The following DOCK5 variants were observed in gnomAD, a reference collection of about 807,000 sequenced individuals.
DOCK5 encodes dedicator of cytokinesis protein 5.
DOCK5 carries 142 observed loss-of-function variants against 251.8 expected under a neutral mutation model. The ratio of observed to expected loss-of-function variants is 0.56; its 90% CI spans 0.49 to 0.65. The LOEUF is 0.65. DOCK5 is among the 30% of genes least tolerant of loss of function. The pLI, the probability that DOCK5 is intolerant of heterozygous loss-of-function variation, is 0.00. For synonymous variants in DOCK5, 842 were observed against 835.5 expected (o/e 1.01, Z -0.13); for missense variants, 2,111 against 2,312.3 (o/e 0.91, Z 1.79).
At position 25,334,155 on chromosome 8, in the gene DOCK5, A is replaced by T. The variant is rs1445992992; in HGVS notation, c.2151A>T (p.Glu717Asp). 6.2e-7 allele frequency: 1 copy of T among 1,613,854 alleles called. No individual in the cohort carries two copies. Among genetic ancestry groups the T allele is most frequent in the Admixed American group, 1.7e-5 (1 of 59,996 alleles). The change falls in exon 21 of 52, where the codon GAA (glutamate) becomes GAT (aspartate). Residue 717 changes from glutamate (E) to aspartate (D), a missense_variant. Physicochemically the swap from Glu to Asp is conservative, Grantham distance 45. Transcript: ENST00000276440. Reference sequence around the variant, plus strand: ...TCCAGCATTTTAATCCTGTACTTGAAACCTACATTTACAAGCACTTCAGCG... The same window carrying T: ...TCCAGCATTTTAATCCTGTACTTGATACCTACATTTACAAGCACTTCAGCG... ...IKFQHFNPVL[E>D]TYIYKHFSAT...
chr8:25,380,071 G>A lies in DOCK5; in HGVS notation c.3937-234G>A, dbSNP rs78950248. Among the ~76,000 whole-genome samples, 946 of 152,254 alleles carry A rather than the reference G, an allele frequency of 6.2e-3. 4 individuals carry two copies. Among genetic ancestry groups the A allele is most frequent in the Non-Finnish European group, 9.2e-3 (623 of 68,038 alleles). On this transcript the variant is annotated intron_variant, in intron 38 of 51. Transcript: ENST00000276440. ...CACATGGTACTTATTCTTAATGTCCGTGCAAACAGAACTACAGAAGACGCC... is the reference window on the plus strand; with the variant it reads ...CACATGGTACTTATTCTTAATGTCCATGCAAACAGAACTACAGAAGACGCC...
chr8:25,201,377 AAG>A (rs1289368592), intron 1 of DOCK5, among the ~76,000 whole-genome samples: 15 of 152,272 alleles, frequency 9.9e-5, no homozygotes, highest in African/African-American at 3.4e-4. Flanking sequence ...TCAATAGTGA[AAG>A]AGAACATTTA....
Position 25,207,281 on chromosome 8 carries a change from A to G in DOCK5, c.43+22330A>G, listed in dbSNP as rs144518415. On this transcript the variant is annotated intron_variant, in intron 1 of 51. Coordinates refer to ENST00000276440, the MANE Select transcript of DOCK5 (RefSeq NM_024940.8). Reference sequence around the variant, plus strand: ...GCAAGGTGAGGCAGCAAGTGCTGATATAGAAGCTGTGGCAAGTTATCCAGA... The same window carrying G: ...GCAAGGTGAGGCAGCAAGTGCTGATGTAGAAGCTGTGGCAAGTTATCCAGA... 3.4e-3 allele frequency among the ~76,000 whole-genome samples: 512 copies of G among 152,370 alleles called. 2 individuals are homozygous for G. Among genetic ancestry groups the G allele is most frequent in the Admixed American group, 0.019 (285 of 15,304 alleles).
intron 1 of DOCK5, among the ~76,000 whole-genome samples, chr8:25,232,087 T>C (rs1802681143): frequency 1.3e-5 from 2 of 152,270 alleles, no homozygotes; most frequent in Admixed American, 1.3e-4. Flanking sequence ...ATGCTTTGTA[T>C]GATTTGCATC....
At chr8:25,311,815 A>G (rs1045860768) in intron 13 of DOCK5, among the ~76,000 whole-genome samples, 7 of 146,516 alleles carry the variant, frequency 4.8e-5, no homozygotes, top group South Asian at 2.2e-4. Flanking sequence ...CCAGCTACTC[A>G]GGAGGCTGAG....
chr8:25,404,107 C>A (rs1801484467), intron 48 of DOCK5, among the ~76,000 whole-genome samples: 1 of 152,144 alleles, frequency 6.6e-6, no homozygotes, highest in South Asian at 2.1e-4. Context: ...ACAGTAGAAG[C>A]CCTGCAGTAG....
intron 2 of DOCK5, among the ~76,000 whole-genome samples, chr8:25,256,199 G>A (rs1027675590): frequency 6.6e-6 from 1 of 152,230 alleles, no homozygotes; most frequent in Non-Finnish European, 1.5e-5. Flanking sequence ...TTAGATATGT[G>A]TGTGTGTGTT....
chr8:25,278,534 C>G lies in DOCK5; in HGVS notation c.225-35C>G, dbSNP rs1247835153. ...ATCAAGTAAAGCAGTGCTGATCAGC[C>G]TAGAAGAAAGTGACCCTCGTTTGGT... On this transcript the variant is annotated intron_variant, in intron 4 of 51. Coordinates refer to ENST00000276440, the MANE Select transcript of DOCK5 (RefSeq NM_024940.8). 3 of 1,602,862 alleles carry G rather than the reference C, an allele frequency of 1.9e-6. No homozygotes were observed. In the African/African-American group the frequency reaches 4.0e-5, roughly 21 times the overall value.
At chr8:25,362,050 C>T (rs1325778214) in intron 28 of DOCK5, among the ~76,000 whole-genome samples, 2 of 152,206 alleles carry the variant, frequency 1.3e-5, no homozygotes, top group Non-Finnish European at 2.9e-5. Flanking sequence ...TTTTTGCTCA[C>T]AGCCCCCTTT....
At chr8:25,396,873 C>T (rs1257307935) in intron 45 of DOCK5, among the ~76,000 whole-genome samples, 1 of 151,842 alleles carries the variant, frequency 6.6e-6, no homozygotes, top group Non-Finnish European at 1.5e-5. Flanking sequence ...CCACTGTGTG[C>T]TCTGGGCAAC....
intron 30 of DOCK5, 145 bp from the exon 31 acceptor site, chr8:25,366,725 T>C: frequency 3.4e-6 from 2 of 592,414 alleles, no homozygotes; most frequent in East Asian, 6.0e-5. Flanking sequence ...GATTGAATAA[T>C]CAAAACCTAA....
intron 5 of DOCK5, among the ~76,000 whole-genome samples, chr8:25,284,147 A>G (rs79760891): frequency 0.083 from 12,698 of 152,284 alleles, 796 homozygotes; most frequent in East Asian, 0.29. Context: ...CTGCTGCCTA[A>G]GACAAGTCCC....
chr8:25,255,555 G>A (rs1300903662), intron 2 of DOCK5, among the ~76,000 whole-genome samples: 4 of 152,150 alleles, frequency 2.6e-5, no homozygotes, highest in Non-Finnish European at 5.9e-5. Flanking sequence ...AGAGCACAGG[G>A]AATTTTTAGA....
intron 18 of DOCK5, among the ~76,000 whole-genome samples, chr8:25,330,779 G>A (rs545077327): frequency 1.5e-4 from 22 of 151,634 alleles, no homozygotes; most frequent in African/African-American, 4.9e-4. Flanking sequence ...AATATCAGCC[G>A]GGCGCAGTGG....
At chr8:25,392,033 G>T (rs1801268721) in intron 43 of DOCK5, 53 bp downstream of exon 43, 17 of 1,536,850 alleles carry the variant, frequency 1.1e-5, no homozygotes, top group Non-Finnish European at 1.5e-5. Context: ...GCTGAGCACG[G>T]TGGCTCACGC....
chr8:25,310,555 C>T lies in DOCK5; in HGVS notation c.1318+23C>T. On this transcript the variant is annotated intron_variant, in intron 13 of 51. Transcript: ENST00000276440. ...CAGGTAAGCACTTTGCATGGCTCAC[C>T]TGTTTGCTTCCTCCTGTTCAGCGAT... 4 of 1,588,676 alleles carry T rather than the reference C, an allele frequency of 2.5e-6. No individual in the cohort carries two copies. The South Asian group carries it at 4.6e-5, about 18-fold the overall frequency.
chr8:25,313,047 C>T (rs368593924), intron 13 of DOCK5, among the ~76,000 whole-genome samples: 4 of 152,084 alleles, frequency 2.6e-5, no homozygotes, highest in South Asian at 2.1e-4. Context: ...TTCTAGAGAC[C>T]GATTCAGAGC....
intron 13 of DOCK5, among the ~76,000 whole-genome samples, chr8:25,312,690 G>A (rs1805133431): frequency 6.6e-6 from 1 of 151,616 alleles, no homozygotes. Context: ...TTGAACCCGG[G>A]AGGCGGTGGT....
At chr8:25,316,496 A>G (rs1805255216) in intron 13 of DOCK5, among the ~76,000 whole-genome samples, 1 of 152,164 alleles carries the variant, frequency 6.6e-6, no homozygotes, top group Non-Finnish European at 1.5e-5. Flanking sequence ...AAAGAAAAAC[A>G]TACTCTATAG....
Sources: gnomAD v4.1 joint callset for allele counts (sites outside exome capture counted in the v4.1 genomes callset) on GRCh38, gnomAD v4.1.1 for gene constraint, MANE v1.5 for transcripts, NCBI Gene and HGNC (gene_info 2026-07-23, HGNC 2026-07-21) for gene names.